SHISA6: variants seen among roughly 807,000 people sequenced by gnomAD.
SHISA6 encodes the protein protein shisa-6.
In SHISA6, 22 loss-of-function variants were observed where a neutral mutation model predicts 47.9. That is an observed-to-expected ratio of 0.46 (90% CI 0.33 to 0.66). The LOEUF is 0.66. Ranked by LOEUF, SHISA6 falls within the 30% of genes least tolerant of loss-of-function variation. The pLI, the probability that SHISA6 is intolerant of heterozygous loss-of-function variation, is 0.02. For synonymous variants in SHISA6, 388 were observed against 337.8 expected, an observed-to-expected ratio of 1.15 and a Z score of -1.63; for missense variants, 680 against 764.6, an observed-to-expected ratio of 0.89 and a Z score of 1.30.
intron 3 of SHISA6, among the ~76,000 whole-genome samples, chr17:11,481,179 T>C (rs1430729254): frequency 6.6e-6 from 1 of 151,906 alleles, no homozygotes; most frequent in East Asian, 1.9e-4. Flanking sequence ...CTCAGGAAAC[T>C]GAGGCAGGAG....
At chr17:11,538,208 C>T (rs1454673534) in intron 3 of SHISA6, among the ~76,000 whole-genome samples, 1 of 152,144 alleles carries the variant, frequency 6.6e-6, no homozygotes, top group East Asian at 1.9e-4. Context: ...GGACTACAGG[C>T]ACCCACCACC....
At chr17:11,312,947 CTG>C (rs899892535) in intron 2 of SHISA6, among the ~76,000 whole-genome samples, 33 of 152,140 alleles carry the variant, frequency 2.2e-4, no homozygotes, top group African/African-American at 7.7e-4. Context: ...CTTATAAACT[CTG>C]TCAAACAAAC....
chr17:11,398,710 A>T (rs1221588756), intron 3 of SHISA6, among the ~76,000 whole-genome samples: 1 of 151,860 alleles, frequency 6.6e-6, no homozygotes, highest in Non-Finnish European at 1.5e-5. Flanking sequence ...CTCCTGCCTC[A>T]GCCTCCCAAG....
Position 11,555,848 on chromosome 17 carries a change from C to T in SHISA6, c.1061C>T (p.Ala354Val), listed in dbSNP as rs1226382318. The T allele has an allele frequency of 2.7e-5, 42 of 1,550,452 alleles. No individual in the cohort carries two copies. Among genetic ancestry groups the T allele is most frequent in the Non-Finnish European group, 3.3e-5 (38 of 1,146,588 alleles). The change falls in exon 5 of 6, where the codon GCA (alanine) becomes GTA (valine). Residue 354 changes from alanine to valine, a missense_variant. Transcript: ENST00000441885. ...CACCTGCCCCCATCCTACGAGTCTGCAGTAAAGACCAACCCCAGCAAGTAT... is the reference window on the plus strand; with the variant it reads ...CACCTGCCCCCATCCTACGAGTCTGTAGTAAAGACCAACCCCAGCAAGTAT... ...LAHLPPSYES[A>V]VKTNPSKYSS...
At chr17:11,325,068 C>A (rs952001501) in intron 2 of SHISA6, among the ~76,000 whole-genome samples, 8 of 152,188 alleles carry the variant, frequency 5.3e-5, no homozygotes, top group African/African-American at 1.9e-4. Flanking sequence ...CTGTGAAAAT[C>A]ATTCTGAGAA....
Position 11,469,286 on chromosome 17 carries a change from T to C in SHISA6, c.896-82610T>C, listed in dbSNP as rs186268903. 4.6e-5 allele frequency among the ~76,000 whole-genome samples: 7 copies of C among 152,168 alleles called. No individual in the cohort carries two copies. In the East Asian group the frequency reaches 9.7e-4, roughly 21 times the overall value. ...TCCTTACAATAGGGAGGAAGCAAGATGCAAGTCGGAGAAATAAATTGGAAG... is the reference window on the plus strand; with the variant it reads ...TCCTTACAATAGGGAGGAAGCAAGACGCAAGTCGGAGAAATAAATTGGAAG... On this transcript the variant is annotated intron_variant, in intron 3 of 5. Transcript: ENST00000441885.
At chr17:11,517,302 G>A (rs895304192) in intron 3 of SHISA6, among the ~76,000 whole-genome samples, 14 of 152,136 alleles carry the variant, frequency 9.2e-5, no homozygotes, top group Middle Eastern at 3.2e-3. Context: ...AAAGGAGCAG[G>A]TAGGGGAATA....
chr17:11,267,997 G>A (rs1408939159), intron 2 of SHISA6, among the ~76,000 whole-genome samples: 1 of 152,148 alleles, frequency 6.6e-6, no homozygotes, highest in Non-Finnish European at 1.5e-5. Flanking sequence ...TGGGGAGCAG[G>A]AGAGACCCAG....
chr17:11,363,039 G>A (rs1242327454), intron 2 of SHISA6, among the ~76,000 whole-genome samples: 1 of 152,086 alleles, frequency 6.6e-6, no homozygotes, highest in Non-Finnish European at 1.5e-5. Context: ...TCCACTTTCT[G>A]GTGCAGTCTC....
chr17:11,340,275 G>A (rs1479581237), intron 2 of SHISA6, among the ~76,000 whole-genome samples: 1 of 152,174 alleles, frequency 6.6e-6, no homozygotes, highest in Non-Finnish European at 1.5e-5. Flanking sequence ...ATTATTTCTT[G>A]CAATTCTGAG....
intron 3 of SHISA6, among the ~76,000 whole-genome samples, chr17:11,540,162 C>G (rs2071821292): frequency 1.3e-5 from 2 of 152,216 alleles, no homozygotes; most frequent in South Asian, 4.1e-4. Context: ...TAGCATTTGT[C>G]AAAGCTGGTT....
At chr17:11,285,379 A>G (rs1909260033) in intron 2 of SHISA6, among the ~76,000 whole-genome samples, 1 of 152,130 alleles carries the variant, frequency 6.6e-6, no homozygotes, top group African/African-American at 2.4e-5. Context: ...CAAATGATAC[A>G]TCTGGGGGAC....
intron 2 of SHISA6, among the ~76,000 whole-genome samples, chr17:11,330,112 A>G (rs545281965): frequency 1.7e-4 from 26 of 152,120 alleles, no homozygotes; most frequent in Non-Finnish European, 3.4e-4. Flanking sequence ...GAGGGAAGCA[A>G]AGCCTTTCCT....
At chr17:11,326,247 G>T (rs1204024940) in intron 2 of SHISA6, among the ~76,000 whole-genome samples, 1 of 151,480 alleles carries the variant, frequency 6.6e-6, no homozygotes, top group Non-Finnish European at 1.5e-5. Context: ...CTCCAGCCTG[G>T]GCGACAGAGT....
chr17:11,469,148 G>A (rs1347804406), intron 3 of SHISA6, among the ~76,000 whole-genome samples: 3 of 151,164 alleles, frequency 2.0e-5, no homozygotes, highest in Non-Finnish European at 2.9e-5. Context: ...CCCCAAAGAT[G>A]TCCACTTCCT....
chr17:11,486,218 T>C (rs1018392456), intron 3 of SHISA6, among the ~76,000 whole-genome samples: 1 of 152,216 alleles, frequency 6.6e-6, no homozygotes, highest in African/African-American at 2.4e-5. Context: ...TCTGGAATTC[T>C]GTCCCTGAAA....
At chr17:11,477,627 A>T (rs1346194143) in intron 3 of SHISA6, among the ~76,000 whole-genome samples, 3 of 128,114 alleles carry the variant, frequency 2.3e-5, no homozygotes, top group African/African-American at 6.1e-5. Context: ...TGTCCATGTG[A>T]TCTCATTGTT....
At chr17:11,358,049 A>C (rs1160453873) in intron 2 of SHISA6, among the ~76,000 whole-genome samples, 4 of 152,220 alleles carry the variant, frequency 2.6e-5, no homozygotes, top group Non-Finnish European at 4.4e-5. Flanking sequence ...AATATACATA[A>C]CATAAAATTT....
At chr17:11,418,889 A>G (rs186616768) in intron 3 of SHISA6, among the ~76,000 whole-genome samples, 8 of 152,196 alleles carry the variant, frequency 5.3e-5, no homozygotes, top group African/African-American at 1.9e-4. Context: ...TCTGCTCACC[A>G]GTTTGTACTA....
Sources: allele counts gnomAD v4.1 joint callset (sites outside exome capture counted in the v4.1 genomes callset), GRCh38; gene constraint gnomAD v4.1.1; transcripts MANE v1.5; gene names NCBI Gene and HGNC (gene_info 2026-07-23, HGNC 2026-07-21).